The following ASTN2 variants were observed in gnomAD, a reference collection of about 807,000 sequenced individuals.
ASTN2 encodes astrotactin-2.
Under a neutral mutation model 139.8 loss-of-function variants are expected in ASTN2, and 54 were observed. The observed-to-expected ratio is 0.39, with a 90% CI of 0.31 to 0.48. The LOEUF is 0.48. Ranked by LOEUF, ASTN2 falls within the 20% of genes least tolerant of loss-of-function variation. The pLI is 0.95. For synonymous variants in ASTN2, 756 were observed against 719.5 expected (o/e 1.05, Z -0.81); for missense variants, 1,565 against 1,725.1 (o/e 0.91, Z 1.64).
chr9:117,312,013 CA>C (rs1827989277), intron 1 of ASTN2, among the ~76,000 whole-genome samples: 1 of 152,120 alleles, frequency 6.6e-6, no homozygotes, highest in African/African-American at 2.4e-5. Context: ...AGTAAGTCCC[CA>C]AAAGGCCTTA....
intron 16 of ASTN2, among the ~76,000 whole-genome samples, chr9:116,661,296 C>T (rs369594467): frequency 1.4e-4 from 21 of 152,146 alleles, no homozygotes; most frequent in African/African-American, 4.8e-4. Flanking sequence ...AATCTCTGTT[C>T]TGATCCTTTC....
chr9:117,306,424 T>C (rs1835000266), intron 1 of ASTN2, among the ~76,000 whole-genome samples: 1 of 152,146 alleles, frequency 6.6e-6, no homozygotes, highest in African/African-American at 2.4e-5. Flanking sequence ...AAGGACACGC[T>C]CTCTGTACTC....
intron 20 of ASTN2, among the ~76,000 whole-genome samples, chr9:116,449,802 G>C (rs891532117): frequency 1.6e-4 from 25 of 152,146 alleles, no homozygotes; most frequent in Admixed American, 5.2e-4. Flanking sequence ...TGTGGTGGGA[G>C]GAAGACAAGC....
At chr9:116,976,047 A>T in intron 9 of ASTN2, 67 bp downstream of exon 9, 1 of 1,480,832 alleles carries the variant, frequency 6.8e-7, no homozygotes, top group Non-Finnish European at 9.4e-7. Context: ...AGGATCCATG[A>T]CCACATCTTC....
intron 19 of ASTN2, among the ~76,000 whole-genome samples, chr9:116,495,486 T>G (rs1849641040): frequency 6.6e-6 from 1 of 152,176 alleles, no homozygotes; most frequent in South Asian, 2.1e-4. Flanking sequence ...TCTGATGACA[T>G]TATTTGAAGC....
chr9:116,881,965 T>C (rs1476471777), intron 10 of ASTN2, among the ~76,000 whole-genome samples: 1 of 152,192 alleles, frequency 6.6e-6, no homozygotes, highest in Non-Finnish European at 1.5e-5. Context: ...ACAAGGTAAT[T>C]ACCCAGTGAT....
At chr9:116,617,067 G>T (rs976160733) in intron 19 of ASTN2, among the ~76,000 whole-genome samples, 1 of 152,152 alleles carries the variant, frequency 6.6e-6, no homozygotes, top group Admixed American at 6.6e-5. Context: ...AGTCTGTTCT[G>T]TCTCTTTCAG....
chr9:116,673,008 G>A (rs902843154), intron 16 of ASTN2, among the ~76,000 whole-genome samples: 17 of 152,236 alleles, frequency 1.1e-4, no homozygotes, highest in Non-Finnish European at 2.1e-4. Context: ...ACATAAGGCT[G>A]ATTCCCACTT....
chr9:116,532,343 T>G (rs1228859222), intron 19 of ASTN2, among the ~76,000 whole-genome samples: 1 of 152,258 alleles, frequency 6.6e-6, no homozygotes, highest in Non-Finnish European at 1.5e-5. Flanking sequence ...TTCCTTTTGC[T>G]GTGCAGAAGC....
chr9:116,731,243 C>A (rs1828776117), intron 14 of ASTN2, among the ~76,000 whole-genome samples: 4 of 150,612 alleles, frequency 2.7e-5, no homozygotes, highest in Admixed American at 2.6e-4. Context: ...TGAAATGCAA[C>A]AGTTCCCTTT....
intron 2 of ASTN2, among the ~76,000 whole-genome samples, chr9:117,265,949 A>G (rs1833930573): frequency 6.6e-6 from 1 of 152,184 alleles, no homozygotes; most frequent in South Asian, 2.1e-4. Context: ...AATATTTCCT[A>G]TAAAACTTAA....
At chr9:116,758,554 ATAGT>A (rs1178254951) in intron 13 of ASTN2, among the ~76,000 whole-genome samples, 4 of 152,338 alleles carry the variant, frequency 2.6e-5, no homozygotes, top group Admixed American at 6.5e-5. Context: ...GCTCCCAAAC[ATAGT>A]TTTGCAGATT....
chr9:117,146,008 T>C (rs2132868588), intron 3 of ASTN2, among the ~76,000 whole-genome samples: 1 of 152,236 alleles, frequency 6.6e-6, no homozygotes, highest in Admixed American at 6.5e-5. Flanking sequence ...GCAAATCCCA[T>C]CCATCTGTTT....
At chr9:117,143,412 C>T (rs901300201) in intron 3 of ASTN2, among the ~76,000 whole-genome samples, 19 of 152,118 alleles carry the variant, frequency 1.2e-4, no homozygotes, top group African/African-American at 4.3e-4. Context: ...AGTGCTTTGC[C>T]CAATAGATGG....
At position 116,862,484 on chromosome 9, in the gene ASTN2, C is replaced by T. The variant is rs867567937; in HGVS notation, c.2040+1099G>A. Among the ~76,000 whole-genome samples the T allele has an allele frequency of 5.3e-5, 8 of 151,948 alleles. No homozygotes were observed. In the South Asian group the frequency reaches 6.2e-4, roughly 12 times the overall value. ...ACTGTATGGAAAAGAGGGTCACCTG[C>T]GGGGAGGGAAAAGGCTTCATAAAGG... On this transcript the variant is annotated intron_variant, in intron 11 of 22. Coordinates refer to ENST00000313400, the MANE Select transcript of ASTN2 (RefSeq NM_001365068.1).
At chr9:116,443,961 T>C (rs959661096) in intron 20 of ASTN2, among the ~76,000 whole-genome samples, 5 of 152,204 alleles carry the variant, frequency 3.3e-5, no homozygotes, top group African/African-American at 1.2e-4. Context: ...CATACATACT[T>C]GTACTTAATA....
intron 19 of ASTN2, among the ~76,000 whole-genome samples, chr9:116,523,005 G>A (rs1318667108): frequency 1.3e-5 from 2 of 151,948 alleles, no homozygotes; most frequent in African/African-American, 2.4e-5. Context: ...TATGCCCTAC[G>A]AACCCACCAA....
chr9:116,498,167 C>G (rs1849729657), intron 19 of ASTN2, among the ~76,000 whole-genome samples: 1 of 152,168 alleles, frequency 6.6e-6, no homozygotes, highest in Admixed American at 6.5e-5. Flanking sequence ...CAGCTACTAC[C>G]CAGCAAAGCT....
chr9:117,125,536 G>C (rs1180214708), intron 4 of ASTN2, among the ~76,000 whole-genome samples: 4 of 152,144 alleles, frequency 2.6e-5, no homozygotes, highest in Non-Finnish European at 1.5e-5. Flanking sequence ...TTTTCATTCT[G>C]TTAAATCTTA....
Sources: allele counts gnomAD v4.1 joint callset (sites outside exome capture counted in the v4.1 genomes callset), GRCh38; gene constraint gnomAD v4.1.1; transcripts MANE v1.5; gene names NCBI Gene and HGNC (gene_info 2026-07-23, HGNC 2026-07-21).